TMEM161B: variants seen among roughly 807,000 people sequenced by gnomAD.
TMEM161B encodes transmembrane protein 161B.
TMEM161B carries 34 observed loss-of-function variants against 61.8 expected under a neutral mutation model. The ratio of observed to expected loss-of-function variants is 0.55; its 90% CI spans 0.42 to 0.73. TMEM161B has a LOEUF of 0.73. TMEM161B is among the 30% of genes least tolerant of loss of function. The pLI is 0.00. For missense variants in TMEM161B, 456 were observed against 558.5 expected (o/e 0.82, Z 1.85); for synonymous variants, 167 against 192.8 (o/e 0.87, Z 1.11).
chr5:88,201,802 C>T (rs1047956292), intron 9 of TMEM161B: 8 of 163,440 alleles, frequency 4.9e-5, no homozygotes, highest in Non-Finnish European at 9.4e-5. Flanking sequence ...TAGTGTGTGT[C>T]GGCGGCGGGG....
At chr5:88,199,614 A>G (rs983361133) in intron 9 of TMEM161B, 8 of 152,432 alleles carry the variant, frequency 5.2e-5, no homozygotes, top group Admixed American at 2.6e-4. Flanking sequence ...CTGGAAAATC[A>G]AAAATTCTGA....
At chr5:88,239,319 T>C (rs1403113828) in intron 2 of TMEM161B, among the ~76,000 whole-genome samples, 2 of 151,994 alleles carry the variant, frequency 1.3e-5, no homozygotes, top group African/African-American at 4.8e-5. Context: ...TGACATTACA[T>C]CATAAACATA....
chr5:88,237,864 C>T (rs1218587433), intron 2 of TMEM161B, among the ~76,000 whole-genome samples: 1 of 151,986 alleles, frequency 6.6e-6, no homozygotes, highest in East Asian at 1.9e-4. Flanking sequence ...GCTGCTTATT[C>T]CTTCAAGTAT....
intron 9 of TMEM161B, chr5:88,200,615 A>G (rs2112357329): frequency 6.6e-6 from 1 of 152,244 alleles, no homozygotes; most frequent in East Asian, 1.9e-4. Context: ...ATTAAATAGT[A>G]CTTTCTAATT....
At chr5:88,254,484 T>C (rs1200464252) in intron 1 of TMEM161B, among the ~76,000 whole-genome samples, 1 of 152,140 alleles carries the variant, frequency 6.6e-6, no homozygotes, top group Non-Finnish European at 1.5e-5. Flanking sequence ...ATTGATTGAA[T>C]GATTGCCAAG....
In TMEM161B at chr5:88,206,632, T is replaced by C. The variant is rs112665107; in HGVS notation, c.599-133A>G. Reference sequence around the variant, plus strand: ...AAGTGACTAGCTTAGCTCTTTCATGTGTTAATTAGTATGCCATAATGCAAT... The same window carrying C: ...AAGTGACTAGCTTAGCTCTTTCATGCGTTAATTAGTATGCCATAATGCAAT... On this transcript the variant is annotated intron_variant, in intron 6 of 11. Transcript: ENST00000296595. 9.2e-4 allele frequency: 795 copies of C among 867,370 alleles called. 2 individuals are homozygous for C. In the African/African-American group the frequency reaches 0.012, roughly 13 times the overall value. The allele number at this position is 867,370 out of a possible 1,614,324, so 53.7% of individuals were successfully genotyped here.
At chr5:88,214,207 G>T (rs558299519) in intron 5 of TMEM161B, among the ~76,000 whole-genome samples, 25 of 152,214 alleles carry the variant, frequency 1.6e-4, no homozygotes, top group African/African-American at 5.3e-4. Flanking sequence ...GGCAACGAAA[G>T]AAAATTAAAA....
intron 11 of TMEM161B, 28 bp from the exon 12 acceptor site, chr5:88,196,516 T>A: frequency 6.5e-7 from 1 of 1,529,850 alleles, no homozygotes; most frequent in South Asian, 1.3e-5. Flanking sequence ...CAAATACAAT[T>A]TGAAGAGTAA....
At chr5:88,264,721 A>T (rs1416900906) in intron 1 of TMEM161B, among the ~76,000 whole-genome samples, 2 of 152,244 alleles carry the variant, frequency 1.3e-5, no homozygotes, top group Non-Finnish European at 2.9e-5. Flanking sequence ...GATCACAAAA[A>T]TGTGGCACAT....
intron 10 of TMEM161B, chr5:88,198,424 C>A (rs1480533706): frequency 1.3e-5 from 2 of 151,840 alleles, no homozygotes; most frequent in Non-Finnish European, 2.9e-5. Context: ...GAGACCCTGT[C>A]TCTACAAAAA....
At chr5:88,203,478 T>G (rs1184313427) in intron 8 of TMEM161B, among the ~76,000 whole-genome samples, 1 of 151,792 alleles carries the variant, frequency 6.6e-6, no homozygotes, top group Non-Finnish European at 1.5e-5. Context: ...TAATGGATTT[T>G]CAGTACAGAA....
intron 1 of TMEM161B, among the ~76,000 whole-genome samples, chr5:88,257,545 C>G (rs748960105): frequency 2.0e-5 from 3 of 152,112 alleles, no homozygotes; most frequent in Non-Finnish European, 4.4e-5. Context: ...ATTAGAAAAG[C>G]TCTCCCTGGG....
downstream of TMEM161B, among the ~76,000 whole-genome samples, chr5:88,193,727 T>A (rs1161214981): frequency 6.6e-6 from 1 of 152,188 alleles, no homozygotes; most frequent in Admixed American, 6.5e-5. Context: ...TCAATTTTAC[T>A]TTTTAAAATG....
chr5:88,207,273 T>A (rs201162591), intron 5 of TMEM161B, 93 bp from the exon 6 acceptor site: 2 of 220,494 alleles, frequency 9.1e-6, no homozygotes, highest in Non-Finnish European at 1.6e-5. Flanking sequence ...AAAATTTGAC[T>A]ACAACATTTA....
chr5:88,200,957 CAGA>C (rs991096244), intron 9 of TMEM161B: 4 of 152,054 alleles, frequency 2.6e-5, no homozygotes, highest in African/African-American at 7.2e-5. Flanking sequence ...TTGTCTGTGA[CAGA>C]AGAAGAACCT....
At chr5:88,233,681 G>C (rs905685332) in intron 2 of TMEM161B, among the ~76,000 whole-genome samples, 1 of 152,164 alleles carries the variant, frequency 6.6e-6, no homozygotes, top group Non-Finnish European at 1.5e-5. Context: ...TAAAGGTAGA[G>C]AGTGAACAAA....
intron 1 of TMEM161B, among the ~76,000 whole-genome samples, chr5:88,265,341 T>A (rs1428372260): frequency 1.3e-5 from 2 of 152,262 alleles, no homozygotes; most frequent in East Asian, 3.9e-4. Context: ...GTGGAGGCAG[T>A]GTGGAGGAAG....
chr5:88,233,272 T>C (rs571773113), intron 2 of TMEM161B, among the ~76,000 whole-genome samples: 3 of 152,134 alleles, frequency 2.0e-5, no homozygotes, highest in Non-Finnish European at 2.9e-5. Context: ...AAACAAGTGG[T>C]GAAAATGTGA....
At chr5:88,228,955 A>C (rs1187757852) in intron 2 of TMEM161B, among the ~76,000 whole-genome samples, 1 of 152,182 alleles carries the variant, frequency 6.6e-6, no homozygotes, top group African/African-American at 2.4e-5. Context: ...ATTTACAGGT[A>C]GTCTTTCCTT....
Sources: gnomAD v4.1 joint callset for allele counts (sites outside exome capture counted in the v4.1 genomes callset) on GRCh38, gnomAD v4.1.1 for gene constraint, MANE v1.5 for transcripts, NCBI Gene and HGNC (gene_info 2026-07-23, HGNC 2026-07-21) for gene names.